The following HHLA2 variants were observed in gnomAD, a reference collection of about 807,000 sequenced individuals.
The protein encoded by HHLA2 is HHLA2 member of B7 family.
In HHLA2, 48 loss-of-function variants were observed where a neutral mutation model predicts 45.9. That is an observed-to-expected ratio of 1.05 (90% CI 0.83 to 1.33). The LOEUF (loss-of-function observed/expected upper bound fraction) is 1.33. Ranked by LOEUF, HHLA2 falls within the 40% of genes most tolerant of loss-of-function variation. The pLI is 0.00. For synonymous variants in HHLA2, 161 were observed against 173.9 expected (o/e 0.93, Z 0.59); for missense variants, 462 against 494.3 (o/e 0.93, Z 0.62).
chr3:108,369,588 T>C (rs2082130278), intron 8 of HHLA2, among the ~76,000 whole-genome samples: 1 of 152,122 alleles, frequency 6.6e-6, no homozygotes, highest in Non-Finnish European at 1.5e-5. Context: ...ACAGACGGCA[T>C]CTGGAAAATT....
chr3:108,378,012 A>G (rs2082304372), exon 11 of HHLA2: 1 of 152,054 alleles, frequency 6.6e-6, no homozygotes, highest in Non-Finnish European at 1.5e-5. Flanking sequence ...TTCCTGCCCC[A>G]CCCTAACTGA....
chr3:108,316,582 T>C (rs1036902006), intron 2 of HHLA2, among the ~76,000 whole-genome samples: 1 of 152,014 alleles, frequency 6.6e-6, no homozygotes, highest in Admixed American at 6.6e-5. Flanking sequence ...AGACAACTGG[T>C]GTACCTTGGA....
chr3:108,359,800 T>A (rs76838769), intron 7 of HHLA2, among the ~76,000 whole-genome samples: 3 of 152,138 alleles, frequency 2.0e-5, no homozygotes, highest in Non-Finnish European at 4.4e-5. Context: ...GTCCCCCCTT[T>A]CCTTGGGGGA....
At chr3:108,357,742 A>G (rs1351127997) in intron 6 of HHLA2, 102 bp from the exon 6 acceptor site, 2 of 908,138 alleles carry the variant, frequency 2.2e-6, no homozygotes, top group Non-Finnish European at 3.4e-6. Context: ...TTCCAAATAT[A>G]TCAGTATTAG....
chr3:108,319,918 CA>C (rs1389444292), intron 2 of HHLA2, among the ~76,000 whole-genome samples: 1 of 152,168 alleles, frequency 6.6e-6, no homozygotes, highest in Non-Finnish European at 1.5e-5. Flanking sequence ...TCGCCCCGTG[CA>C]TGCATGTACA....
chr3:108,304,203 A>G (rs961944570), intron 1 of HHLA2, among the ~76,000 whole-genome samples: 3 of 152,196 alleles, frequency 2.0e-5, no homozygotes, highest in Non-Finnish European at 4.4e-5. Context: ...CAGTCAAGAA[A>G]GAAAGAAGAA....
chr3:108,368,893 A>G (rs1288691944), intron 8 of HHLA2, among the ~76,000 whole-genome samples: 1 of 152,236 alleles, frequency 6.6e-6, no homozygotes, highest in Non-Finnish European at 1.5e-5. Context: ...GGACATCTAC[A>G]GAACTCTCCA....
intron 1 of HHLA2, among the ~76,000 whole-genome samples, chr3:108,307,890 A>G (rs983468305): frequency 6.6e-6 from 1 of 152,158 alleles, no homozygotes; most frequent in Non-Finnish European, 1.5e-5. Flanking sequence ...TTGTGGGTAC[A>G]TAACAGGTAT....
chr3:108,377,168 CA>C, intron 10 of HHLA2, 89 bp from the exon 10 acceptor site: 2 of 893,784 alleles, frequency 2.2e-6, no homozygotes, highest in Non-Finnish European at 1.8e-6. Context: ...CCGCCCACCC[CA>C]AAACACTACT....
At chr3:108,377,128 C>A in intron 10 of HHLA2, 130 bp from the exon 10 acceptor site, 1 of 637,026 alleles carries the variant, frequency 1.6e-6, no homozygotes, top group South Asian at 1.9e-5. Flanking sequence ...TCTTTAATTT[C>A]AGATGCAAGC....
rs1379176173 is a variant in HHLA2, at chr3:108,340,901, TTTTTTTTTTCCTTCC to T, written c.-26-10884_-26-10870del. Among the ~76,000 whole-genome samples, 13 of 15,586 alleles carry T rather than the reference TTTTTTTTTTCCTTCC, an allele frequency of 8.3e-4. No individual in the cohort carries two copies. In the South Asian group the frequency reaches 0.022, roughly 26 times the overall value. 10.2% of individuals were successfully genotyped at this position (15,586 alleles called of 152,430 possible). On this transcript the variant is annotated intron_variant, in intron 3 of 10. Coordinates refer to ENST00000619531, the Ensembl canonical transcript of HHLA2. ...AAAATAGCCAAACTCTTTTCTTTTT[TTTTTTTTTTCCTTCC>T]TTCCTTCCTTCCTTCCTTCCTTCCT... is the stretch of plus-strand genomic sequence containing the variant.
At chr3:108,369,582 A>G (rs896194174) in intron 8 of HHLA2, among the ~76,000 whole-genome samples, 2 of 152,204 alleles carry the variant, frequency 1.3e-5, no homozygotes, top group Admixed American at 6.5e-5. Flanking sequence ...GGGGTGACAG[A>G]CGGCATCTGG....
At position 108,321,091 on chromosome 3, in the gene HHLA2, T is replaced by TAAAAAAAAAAAAAAGAAAAAAA. The variant is rs2081191862; in HGVS notation, c.-104-7165_-104-7164insGAAAAAAAAAAAAAAAAAAAAA. On this transcript the variant is annotated intron_variant, in intron 2 of 10. Transcript: ENST00000619531. ...TCACCAGAACATTTCTCCAGGTGTT[T>TAAAAAAAAAAAAAAGAAAAAAA]AAAAAAAAAAAAAAAAAAAAAGACT... Among the ~76,000 whole-genome samples, 2 of 101,428 alleles carry TAAAAAAAAAAAAAAGAAAAAAA rather than the reference T, an allele frequency of 2.0e-5. 1 individual carries two copies. The highest frequency in any genetic ancestry group is 4.0e-5 in the Non-Finnish European group (2 of 49,598). 66.5% of individuals were successfully genotyped at this position (101,428 alleles called of 152,430 possible). A position where few individuals can be genotyped will look rare whatever the true frequency, so the allele number is the denominator to read the frequency against.
At chr3:108,367,950 G>C (rs1576178826) in intron 8 of HHLA2, among the ~76,000 whole-genome samples, 1 of 152,130 alleles carries the variant, frequency 6.6e-6, no homozygotes, top group East Asian at 1.9e-4. Flanking sequence ...GTTAAGGGCA[G>C]CCAGAGAGAA....
exon 5 of HHLA2, chr3:108,353,622 G>A: frequency 6.2e-7 from 1 of 1,613,766 alleles, no homozygotes; most frequent in South Asian, 1.1e-5. Flanking sequence ...CAAGATCCCA[G>A]ATATGCAAAC....
intron 6 of HHLA2, among the ~76,000 whole-genome samples, chr3:108,355,935 C>T (rs916836909): frequency 1.3e-5 from 2 of 151,880 alleles, no homozygotes; most frequent in African/African-American, 4.8e-5. Flanking sequence ...TTTATTTGAA[C>T]AGATCCAAAC....
intron 3 of HHLA2, among the ~76,000 whole-genome samples, chr3:108,345,537 C>T (rs1439200408): frequency 6.6e-6 from 1 of 152,140 alleles, no homozygotes; most frequent in African/African-American, 2.4e-5. Flanking sequence ...CTCTTGGGCC[C>T]TCAACTGGTT....
intron 3 of HHLA2, among the ~76,000 whole-genome samples, chr3:108,334,561 G>T (rs1311087623): frequency 6.6e-6 from 1 of 152,198 alleles, no homozygotes; most frequent in African/African-American, 2.4e-5. Context: ...GATTCAGAAA[G>T]TTGCCAAGGA....
At chr3:108,356,142 G>A (rs2081887723) in intron 6 of HHLA2, among the ~76,000 whole-genome samples, 1 of 146,232 alleles carries the variant, frequency 6.8e-6, no homozygotes, top group Non-Finnish European at 1.5e-5. Flanking sequence ...TGATTCTCCT[G>A]TCTCAGCCTC....
Sources: allele counts gnomAD v4.1 joint callset (sites outside exome capture counted in the v4.1 genomes callset), GRCh38; gene constraint gnomAD v4.1.1; transcripts MANE v1.5; gene names NCBI Gene and HGNC (gene_info 2026-07-23, HGNC 2026-07-21).